Variants in GPR39 observed in about 807,000 individuals in gnomAD.
GPR39 encodes zinc sensing receptor.
GPR39 carries 23 observed loss-of-function variants against 18.4 expected under a neutral mutation model. That is an observed-to-expected ratio of 1.25 (90% confidence interval 0.90 to 1.77). The LOEUF (loss-of-function observed/expected upper bound fraction) is 1.77, where lower values mean the gene tolerates loss of function less well. Ranked by LOEUF, GPR39 falls within the 40% of genes most tolerant of loss-of-function variation. GPR39 has a pLI of 0.00. For synonymous variants in GPR39, 280 were observed against 257.9 expected (o/e 1.09, Z -0.82); for missense variants, 647 against 602.4 (o/e 1.07, Z -0.78).
intron 1 of GPR39, among the ~76,000 whole-genome samples, chr2:132,599,234 GA>G (rs1323210666): frequency 2.6e-5 from 4 of 152,120 alleles, no homozygotes; most frequent in Non-Finnish European, 5.9e-5. Flanking sequence ...TTCTCTTTGG[GA>G]CTCTTAAATA....
intron 1 of GPR39, among the ~76,000 whole-genome samples, chr2:132,610,824 C>T (rs1681226428): frequency 6.6e-6 from 1 of 151,530 alleles, no homozygotes; most frequent in South Asian, 2.1e-4. Context: ...GATCTTTCCA[C>T]CTTGGAGCTC....
intron 1 of GPR39, among the ~76,000 whole-genome samples, chr2:132,438,888 C>T (rs772372661): frequency 5.8e-4 from 89 of 152,264 alleles, no homozygotes; most frequent in Non-Finnish European, 1.2e-3. Flanking sequence ...CCATGGCTGT[C>T]GGAATTCCCC....
At chr2:132,559,107 TAGAG>T in intron 1 of GPR39, among the ~76,000 whole-genome samples, 1 of 152,194 alleles carries the variant, frequency 6.6e-6, no homozygotes, top group East Asian at 1.9e-4. Context: ...CGGAATCAAA[TAGAG>T]AGGGTTTTCA....
chr2:132,498,307 T>C (rs1043301685), intron 1 of GPR39, among the ~76,000 whole-genome samples: 1 of 152,164 alleles, frequency 6.6e-6, no homozygotes, highest in Non-Finnish European at 1.5e-5. Flanking sequence ...TAGCTTAGCT[T>C]CCACTTATGA....
At position 132,485,804 on chromosome 2, in the gene GPR39, G is replaced by A. The variant is rs559292251; in HGVS notation, c.856+67906G>A. 7.9e-5 allele frequency among the ~76,000 whole-genome samples: 12 copies of A among 152,166 alleles called. No homozygotes were observed. In the South Asian group the frequency reaches 2.1e-3, roughly 26 times the overall value. On this transcript the variant is annotated intron_variant, in intron 1 of 1. Transcript: ENST00000329321. The stretch of plus-strand genomic sequence containing the variant: ...TGAACCCTCAAAGTCATCCGTGAAC[G>A]TTGGGATTAACTTCCTTCAAGCTTC...
At chr2:132,485,080 G>T (rs996466976) in intron 1 of GPR39, among the ~76,000 whole-genome samples, 2 of 152,152 alleles carry the variant, frequency 1.3e-5, no homozygotes, top group South Asian at 2.1e-4. Context: ...TGGAGACATC[G>T]CAGGTTCAAT....
chr2:132,545,199 T>C (rs1166268504), intron 1 of GPR39, among the ~76,000 whole-genome samples: 1 of 152,236 alleles, frequency 6.6e-6, no homozygotes, highest in Non-Finnish European at 1.5e-5. Flanking sequence ...GGGCCTGGTC[T>C]CCAGGAGTGA....
chr2:132,511,454 A>C (rs1251920441), intron 1 of GPR39, among the ~76,000 whole-genome samples: 2 of 152,238 alleles, frequency 1.3e-5, no homozygotes, highest in African/African-American at 2.4e-5. Flanking sequence ...GCTTGAAATC[A>C]GTTCTGTATG....
chr2:132,445,289 A>G (rs974203112), intron 1 of GPR39, among the ~76,000 whole-genome samples: 2 of 152,178 alleles, frequency 1.3e-5, no homozygotes, highest in Non-Finnish European at 2.9e-5. Context: ...GAGTCTATAT[A>G]ATATGATGAC....
At chr2:132,639,255 G>T (rs1012685060) in intron 1 of GPR39, among the ~76,000 whole-genome samples, 5 of 151,846 alleles carry the variant, frequency 3.3e-5, no homozygotes, top group African/African-American at 1.2e-4. Flanking sequence ...TTGAATGGGG[G>T]GATAAAAGGG....
intron 1 of GPR39, among the ~76,000 whole-genome samples, chr2:132,462,617 AT>A (rs560726990): frequency 3.3e-5 from 5 of 152,080 alleles, no homozygotes; most frequent in Admixed American, 6.5e-5. Flanking sequence ...TTCCTCCTAC[AT>A]TTTTTTTAAA....
rs544037725 is a variant in GPR39, at chr2:132,480,012, A to G, written c.856+62114A>G. On this transcript the variant is annotated intron_variant, in intron 1 of 1. Coordinates refer to ENST00000329321, the MANE Select transcript of GPR39 (RefSeq NM_001508.3). ...GAAAACACCGTTTGCCATAGCCAAGAGATGGAAGCAACCCAAATGTCCATC... is the reference window on the plus strand; with the variant it reads ...GAAAACACCGTTTGCCATAGCCAAGGGATGGAAGCAACCCAAATGTCCATC... 1.2e-4 allele frequency among the ~76,000 whole-genome samples: 18 copies of G among 152,304 alleles called. No homozygotes were observed. In the South Asian group the frequency reaches 3.7e-3, roughly 32 times the overall value.
chr2:132,609,136 T>C (rs1236600452), intron 1 of GPR39, among the ~76,000 whole-genome samples: 1 of 152,110 alleles, frequency 6.6e-6, no homozygotes, highest in Non-Finnish European at 1.5e-5. Flanking sequence ...AGATAATAGA[T>C]TGTAGGTACG....
intron 1 of GPR39, among the ~76,000 whole-genome samples, chr2:132,434,259 G>T (rs1324542648): frequency 6.6e-6 from 1 of 152,154 alleles, no homozygotes; most frequent in African/African-American, 2.4e-5. Flanking sequence ...ATGCTGTTGG[G>T]TTTATAATCA....
chr2:132,561,513 C>T (rs575581006), intron 1 of GPR39, among the ~76,000 whole-genome samples: 1 of 152,068 alleles, frequency 6.6e-6, no homozygotes, highest in South Asian at 2.1e-4. Context: ...TTTGGCCACA[C>T]ATTAGAATCA....
intron 1 of GPR39, among the ~76,000 whole-genome samples, chr2:132,474,783 A>G (rs530165850): frequency 1.3e-5 from 2 of 152,282 alleles, no homozygotes; most frequent in South Asian, 4.1e-4. Context: ...CCTTTAGATT[A>G]AGGATCTCGG....
intron 1 of GPR39, among the ~76,000 whole-genome samples, chr2:132,478,378 A>G (rs545654506): frequency 1.4e-5 from 2 of 140,590 alleles, no homozygotes; most frequent in Non-Finnish European, 3.3e-5. Flanking sequence ...ATGAATGAGA[A>G]TTTTCAGGCC....
At chr2:132,441,680 T>C (rs1475822749) in intron 1 of GPR39, among the ~76,000 whole-genome samples, 1 of 152,206 alleles carries the variant, frequency 6.6e-6, no homozygotes, top group Non-Finnish European at 1.5e-5. Context: ...CATTTAGCTG[T>C]TATGCTAGGT....
chr2:132,501,371 T>C (rs2104750672), intron 1 of GPR39, among the ~76,000 whole-genome samples: 1 of 152,322 alleles, frequency 6.6e-6, no homozygotes, highest in East Asian at 1.9e-4. Context: ...TTAATTTCCA[T>C]GTATTTGCAT....
Sources: gnomAD v4.1 joint callset for allele counts (sites outside exome capture counted in the v4.1 genomes callset) on GRCh38, gnomAD v4.1.1 for gene constraint, MANE v1.5 for transcripts, NCBI Gene and HGNC (gene_info 2026-07-23, HGNC 2026-07-21) for gene names.